The following PCLO variants were observed in gnomAD, a reference collection of about 807,000 sequenced individuals.
The protein encoded by PCLO is protein piccolo.
In PCLO, 82 loss-of-function variants were observed where a neutral mutation model predicts 427.5. The ratio of observed to expected loss-of-function variants is 0.19; its 90% CI spans 0.16 to 0.23. PCLO has a LOEUF of 0.23. Among genes scored for constraint, PCLO ranks in the 10% least tolerant of loss-of-function variants. PCLO has a pLI of 1.00. For missense variants in PCLO, 6,239 were observed against 6,115.9 expected, an observed-to-expected ratio of 1.02 and a Z score of -0.67; for synonymous variants, 2,357 against 2,155.4, an observed-to-expected ratio of 1.09 and a Z score of -2.59.
At chr7:82,938,926 A>G (rs890194034) in intron 6 of PCLO, among the ~76,000 whole-genome samples, 8 of 152,062 alleles carry the variant, frequency 5.3e-5, no homozygotes, top group African/African-American at 1.9e-4. Context: ...GGTTAACAAT[A>G]ATTTCCAAGA....
Position 82,916,323 on chromosome 7 carries a change from T to C in PCLO, c.11663A>G (p.Tyr3888Cys). 2.5e-6 allele frequency: 4 copies of C among 1,613,556 alleles called. No individual in the cohort carries two copies. The South Asian group carries it at 4.4e-5, about 18-fold the overall frequency. ...AGGAAGAGCAGGGGAAGAGTACTGGTATTGTGTGTAAGGACTTGTCGGAGG... is the reference window on the plus strand; with the variant it reads ...AGGAAGAGCAGGGGAAGAGTACTGGCATTGTGTGTAAGGACTTGTCGGAGG... Reference protein sequence around the residue: ...LVPPTSPYTQYQYSSPALPTQ... With the variant: ...LVPPTSPYTQCQYSSPALPTQ... The change falls in exon 7 of 25, where the codon TAC becomes TGC. Residue 3888 changes from tyrosine (Y) to cysteine (C), a missense_variant. Physicochemically the swap from Tyr to Cys is radical, Grantham distance 194. Transcript: ENST00000333891.
intron 3 of PCLO, among the ~76,000 whole-genome samples, chr7:83,039,377 A>G (rs1303227770): frequency 1.3e-5 from 2 of 151,868 alleles, no homozygotes; most frequent in African/African-American, 4.8e-5. Context: ...ACCCATTTTG[A>G]GTTAATTTCT....
At chr7:83,112,253 T>C (rs1186998399) in intron 3 of PCLO, among the ~76,000 whole-genome samples, 1 of 152,084 alleles carries the variant, frequency 6.6e-6, no homozygotes, top group African/African-American at 2.4e-5. Context: ...AGATAGGGTT[T>C]CTCCATGTTG....
chr7:83,107,986 T>TAAA (rs58192300), intron 3 of PCLO, among the ~76,000 whole-genome samples: 3 of 95,396 alleles, frequency 3.1e-5, no homozygotes, highest in African/African-American at 3.5e-5. Flanking sequence ...AGACTCCGTC[T>TAAA]AAAAAAAAAA....
At chr7:83,061,384 A>G (rs536655808) in intron 3 of PCLO, among the ~76,000 whole-genome samples, 42 of 152,270 alleles carry the variant, frequency 2.8e-4, no homozygotes, top group African/African-American at 1.0e-3. Flanking sequence ...TTAAAGGTCT[A>G]CCTGATTAGG....
At chr7:83,142,445 G>A (rs1217743856) in intron 2 of PCLO, among the ~76,000 whole-genome samples, 1 of 151,984 alleles carries the variant, frequency 6.6e-6, no homozygotes, top group Non-Finnish European at 1.5e-5. Context: ...TCAACTTTGG[G>A]CTCCTCTCAT....
intron 3 of PCLO, among the ~76,000 whole-genome samples, chr7:83,061,391 T>A (rs1789539872): frequency 2.6e-5 from 4 of 152,288 alleles, no homozygotes; most frequent in African/African-American, 9.6e-5. Context: ...TCTACCTGAT[T>A]AGGTTTGGAT....
chr7:82,769,713 C>A (rs932069209), intron 22 of PCLO, among the ~76,000 whole-genome samples: 4 of 152,172 alleles, frequency 2.6e-5, no homozygotes, highest in African/African-American at 7.2e-5. Context: ...TCCCATTACA[C>A]TGTATTTGCA....
intron 10 of PCLO, among the ~76,000 whole-genome samples, chr7:82,865,176 A>T (rs1793061843): frequency 6.6e-6 from 1 of 152,082 alleles, no homozygotes; most frequent in Non-Finnish European, 1.5e-5. Context: ...AAAAAAAAAA[A>T]TTGAACTGCC....
intron 3 of PCLO, among the ~76,000 whole-genome samples, chr7:82,993,414 T>G (rs1051018132): frequency 6.6e-6 from 1 of 151,920 alleles, no homozygotes; most frequent in Admixed American, 6.6e-5. Flanking sequence ...TGGAATAGAG[T>G]AAGGCTTTGG....
chr7:82,810,612 C>T (rs1225176849), intron 20 of PCLO, among the ~76,000 whole-genome samples: 1 of 151,622 alleles, frequency 6.6e-6, no homozygotes, highest in Admixed American at 6.6e-5. Context: ...ACAAATGTTA[C>T]CTTCTGTGAT....
chr7:82,854,400 C>G (rs1792747287), intron 10 of PCLO, among the ~76,000 whole-genome samples: 1 of 152,084 alleles, frequency 6.6e-6, no homozygotes, highest in African/African-American at 2.4e-5. Flanking sequence ...TTTACTCCAT[C>G]ATACACTTAA....
intron 16 of PCLO, among the ~76,000 whole-genome samples, chr7:82,834,869 T>G (rs1792187241): frequency 6.6e-6 from 1 of 152,108 alleles, no homozygotes; most frequent in African/African-American, 2.4e-5. Flanking sequence ...AGAAATTTTG[T>G]GGGGCAGAAG....
intron 3 of PCLO, among the ~76,000 whole-genome samples, chr7:83,008,399 T>C (rs1787999371): frequency 6.6e-6 from 1 of 151,730 alleles, no homozygotes; most frequent in Non-Finnish European, 1.5e-5. Context: ...CTAATCTTTT[T>C]TAATGCTTCC....
chr7:83,023,623 G>A (rs1788401184), intron 3 of PCLO, among the ~76,000 whole-genome samples: 1 of 152,172 alleles, frequency 6.6e-6, no homozygotes, highest in Non-Finnish European at 1.5e-5. Context: ...TCAGTGTCAA[G>A]GCAAAGGATT....
chr7:82,956,940 G>T lies in PCLO; in HGVS notation c.4018-5C>A. On this transcript the variant is annotated splice_polypyrimidine_tract_variant and splice_region_variant and intron_variant, in intron 4 of 24. Transcript: ENST00000333891. ...TGATTTGTCATCTTCCTTTTCCTAA[G>T]CAGGGAGATAAAGATACAGGAAAAC... is the stretch of plus-strand genomic sequence containing the variant. 6.3e-7 allele frequency: 1 copy of T among 1,578,968 alleles called. No homozygotes were observed. The highest frequency in any genetic ancestry group is 1.2e-5 in the South Asian group (1 of 85,272).
intron 3 of PCLO, among the ~76,000 whole-genome samples, chr7:83,104,725 T>C (rs1047979419): frequency 2.0e-5 from 3 of 152,162 alleles, no homozygotes; most frequent in South Asian, 2.1e-4. Flanking sequence ...TGTAGATTAT[T>C]CAGCACCTCC....
intron 3 of PCLO, among the ~76,000 whole-genome samples, chr7:83,092,177 A>G (rs975960134): frequency 2.0e-5 from 3 of 152,224 alleles, no homozygotes; most frequent in Admixed American, 6.5e-5. Flanking sequence ...AGCTGCCCAT[A>G]TAATATGATT....
chr7:82,980,235 C>T (rs774710451), intron 3 of PCLO, among the ~76,000 whole-genome samples: 1 of 151,882 alleles, frequency 6.6e-6, no homozygotes, highest in African/African-American at 2.4e-5. Context: ...GAGAAGGAGC[C>T]GAGAGAGAGA....
Sources: allele counts gnomAD v4.1 joint callset (sites outside exome capture counted in the v4.1 genomes callset), GRCh38; gene constraint gnomAD v4.1.1; transcripts MANE v1.5; gene names NCBI Gene and HGNC (gene_info 2026-07-23, HGNC 2026-07-21).